Variants in TMEM108 observed in about 807,000 individuals in gnomAD.
The protein encoded by TMEM108 is transmembrane protein 108, also known as cancer/testis antigen 124.
Under a neutral mutation model 35.1 loss-of-function variants are expected in TMEM108, and 12 were observed. The ratio of observed to expected loss-of-function variants is 0.34; its 90% confidence interval spans 0.22 to 0.55. The LOEUF (loss-of-function observed/expected upper bound fraction) is 0.55. Ranked by LOEUF, TMEM108 falls within the 20% of genes least tolerant of loss-of-function variation. The pLI is 0.89. For synonymous variants in TMEM108, 287 were observed against 308.6 expected (o/e 0.93, Z 0.73); for missense variants, 680 against 753.3 (o/e 0.90, Z 1.14).
chr3:133,381,051 T>C lies in TMEM108; in HGVS notation c.1340T>C (p.Ile447Thr). The C allele has an allele frequency of 6.2e-7, 1 of 1,614,104 alleles. No homozygotes were observed. Among genetic ancestry groups the C allele is most frequent in the East Asian group, 2.2e-5 (1 of 44,872 alleles). ...GTWKPGTAGNISHVAEGDKPQ... is the reference protein window; with the variant it reads ...GTWKPGTAGNTSHVAEGDKPQ... ...TGGAAGCCTGGGACAGCAGGGAACA[T>C]CTCCCATGTGGCCGAGGGGGACAAA... The change falls in exon 4 of 6, where the codon ATC becomes ACC. Residue 447 changes from isoleucine to threonine, a missense_variant. By Grantham distance (89) the Ile-to-Thr change is moderately conservative. Coordinates refer to ENST00000321871, the MANE Select transcript of TMEM108 (RefSeq NM_023943.4).
chr3:133,191,185 A>T (rs911005680), intron 2 of TMEM108, among the ~76,000 whole-genome samples: 2 of 152,198 alleles, frequency 1.3e-5, no homozygotes, highest in African/African-American at 4.8e-5. Flanking sequence ...CAATACAACC[A>T]TGCAAAAGTG....
rs150034552 is a variant in TMEM108 at position 133,380,263 on chromosome 3, G to A, written c.552G>A (p.Pro184=). 59 of 1,613,914 alleles carry A rather than the reference G, an allele frequency of 3.7e-5. No homozygotes were observed. The highest frequency in any genetic ancestry group is 4.2e-5 in the Non-Finnish European group (50 of 1,179,964). ...CTGGTAATTCATCACGCCCTGTCCCGCCTGCACCTGGTGGCCACTCCAGGA... is the reference window on the plus strand; with the variant it reads ...CTGGTAATTCATCACGCCCTGTCCCACCTGCACCTGGTGGCCACTCCAGGA... ...KGAGNSSRPV[P]PAPGGHSRSK... Residue 184 remains proline, a synonymous_variant, in exon 4 of 6, where the codon CCG becomes CCA. Coordinates refer to ENST00000321871, the MANE Select transcript of TMEM108 (RefSeq NM_023943.4). The surrounding 1 kb of genome is among the most constrained non-coding windows in gnomAD (Gnocchi z 5.3).
Position 133,380,349 on chromosome 3 carries a change from T to G in TMEM108, c.638T>G (p.Leu213Arg). 6.2e-7 allele frequency: 1 copy of G among 1,614,014 alleles called. No individual in the cohort carries two copies. The highest frequency in any genetic ancestry group is 1.1e-5 in the South Asian group (1 of 91,076). ...ACACCTCTGGGGCAGAAGCGGCCCC[T>G]GGGGAAAATCTTTCAGATCTACAAG... Reference protein sequence around the residue: ...SSTPLGQKRPLGKIFQIYKGN... With the variant: ...SSTPLGQKRPRGKIFQIYKGN... Residue 213 changes from leucine (L) to arginine (R), a missense_variant, in exon 4 of 6, where the codon CTG (leucine) becomes CGG (arginine). By Grantham distance (102) the Leu-to-Arg change is moderately radical. Transcript: ENST00000321871. The surrounding 1 kb of genome is among the most constrained non-coding windows in gnomAD (Gnocchi z 5.3).
intron 3 of TMEM108, among the ~76,000 whole-genome samples, chr3:133,347,093 C>T (rs1434983072): frequency 6.6e-6 from 1 of 152,046 alleles, no homozygotes; most frequent in Non-Finnish European, 1.5e-5. Flanking sequence ...ATTTTGTTCT[C>T]CTTCAGTATT....
chr3:133,204,284 T>C (rs1459818084), intron 2 of TMEM108, among the ~76,000 whole-genome samples: 4 of 152,270 alleles, frequency 2.6e-5, no homozygotes, highest in Non-Finnish European at 4.4e-5. Context: ...GAAGGGTTTT[T>C]CATGTTTCTA....
intron 1 of TMEM108, among the ~76,000 whole-genome samples, chr3:133,043,049 C>A (rs970881116): frequency 6.6e-6 from 1 of 152,188 alleles, no homozygotes; most frequent in African/African-American, 2.4e-5. Context: ...TTTTTCACTG[C>A]GCATCTTTAG....
At chr3:133,139,127 G>A (rs935054120) in intron 2 of TMEM108, among the ~76,000 whole-genome samples, 14 of 152,166 alleles carry the variant, frequency 9.2e-5, no homozygotes, top group Admixed American at 3.3e-4. Flanking sequence ...ATTCCATGGT[G>A]TATATGTGCC....
chr3:133,348,183 G>T (rs1210348693), intron 3 of TMEM108, among the ~76,000 whole-genome samples: 1 of 151,938 alleles, frequency 6.6e-6, no homozygotes, highest in Non-Finnish European at 1.5e-5. Flanking sequence ...TCAAAATATT[G>T]TATTACAAAT....
chr3:133,192,570 A>C (rs867619004), intron 2 of TMEM108, among the ~76,000 whole-genome samples: 5 of 152,162 alleles, frequency 3.3e-5, no homozygotes, highest in Admixed American at 6.5e-5. Context: ...ATGCATCAGG[A>C]AAGTGGAATG....
intron 3 of TMEM108, among the ~76,000 whole-genome samples, chr3:133,320,272 A>G (rs1216271851): frequency 6.6e-6 from 1 of 152,194 alleles, no homozygotes; most frequent in Admixed American, 6.5e-5. Flanking sequence ...TAAAGAAATT[A>G]AAAAATATAT....
At chr3:133,312,390 A>T (rs889284356) in intron 3 of TMEM108, among the ~76,000 whole-genome samples, 1 of 152,124 alleles carries the variant, frequency 6.6e-6, no homozygotes, top group Non-Finnish European at 1.5e-5. Context: ...GGCTCCACCC[A>T]GTTTGAGCTT....
intron 3 of TMEM108, among the ~76,000 whole-genome samples, chr3:133,242,673 T>G (rs1384289654): frequency 6.6e-6 from 1 of 152,192 alleles, no homozygotes; most frequent in Admixed American, 6.5e-5. Flanking sequence ...TGTCAACCAG[T>G]GCTAGTGCTA....
chr3:133,047,268 TG>T, intron 2 of TMEM108, among the ~76,000 whole-genome samples: 1 of 152,216 alleles, frequency 6.6e-6, no homozygotes, highest in Non-Finnish European at 1.5e-5. Flanking sequence ...TTGCTAACTT[TG>T]CTCAATTTCC....
chr3:133,140,666 G>A (rs1944628482), intron 2 of TMEM108, among the ~76,000 whole-genome samples: 1 of 152,078 alleles, frequency 6.6e-6, no homozygotes, highest in African/African-American at 2.4e-5. Context: ...ATTGGTTGCC[G>A]TGATCTCAAA....
intron 2 of TMEM108, among the ~76,000 whole-genome samples, chr3:133,104,611 C>T (rs745856859): frequency 2.0e-5 from 3 of 152,178 alleles, no homozygotes; most frequent in African/African-American, 2.4e-5. Flanking sequence ...GTCTTTGGCC[C>T]TGCTGTGTGC....
chr3:133,063,417 C>G (rs1943558105), intron 2 of TMEM108, among the ~76,000 whole-genome samples: 1 of 152,102 alleles, frequency 6.6e-6, no homozygotes, highest in Admixed American at 6.5e-5. Flanking sequence ...CCCACTCTAC[C>G]TCTAAGCCTT....
chr3:133,160,630 G>A (rs1039189812), intron 2 of TMEM108, among the ~76,000 whole-genome samples: 3 of 152,228 alleles, frequency 2.0e-5, no homozygotes, highest in African/African-American at 7.2e-5. Flanking sequence ...AATTGATGGA[G>A]CTTCTCCCAG....
chr3:133,290,079 A>T (rs1947041370), intron 3 of TMEM108, among the ~76,000 whole-genome samples: 2 of 152,310 alleles, frequency 1.3e-5, no homozygotes, highest in South Asian at 4.1e-4. Flanking sequence ...AATAAACAGG[A>T]TTAACAGTAA....
At chr3:133,094,940 A>G (rs1409501937) in intron 2 of TMEM108, among the ~76,000 whole-genome samples, 3 of 152,152 alleles carry the variant, frequency 2.0e-5, no homozygotes, top group East Asian at 3.9e-4. Context: ...TATTTGTTGA[A>G]TGAGTGAACA....
Sources: allele counts gnomAD v4.1 joint callset (sites outside exome capture counted in the v4.1 genomes callset), GRCh38; gene constraint gnomAD v4.1.1; non-coding constraint Gnocchi (gnomAD v3.1); transcripts MANE v1.5; gene names NCBI Gene and HGNC (gene_info 2026-07-23, HGNC 2026-07-21).